Variants in LRMDA observed in about 807,000 individuals in gnomAD.
The protein encoded by LRMDA is leucine-rich melanocyte differentiation-associated protein.
LRMDA carries 18 observed loss-of-function variants against 29.8 expected under a neutral mutation model. The ratio of observed to expected loss-of-function variants is 0.60; its 90% CI spans 0.42 to 0.90. LRMDA has a LOEUF of 0.90. Among genes scored for constraint, LRMDA ranks in the 40% least tolerant of loss-of-function variants. The pLI is 0.00. For missense variants in LRMDA, 273 were observed against 273.9 expected (o/e 1.00, Z 0.02); for synonymous variants, 125 against 109.4 (o/e 1.14, Z -0.89).
At chr10:76,003,311 C>G (rs887341102) in intron 2 of LRMDA, among the ~76,000 whole-genome samples, 1 of 152,142 alleles carries the variant, frequency 6.6e-6, no homozygotes, top group Non-Finnish European at 1.5e-5. Context: ...GCCAATTAAC[C>G]TTCCTGACCG....
At chr10:76,376,800 T>A (rs956922033) in intron 6 of LRMDA, among the ~76,000 whole-genome samples, 3 of 150,944 alleles carry the variant, frequency 2.0e-5, no homozygotes, top group African/African-American at 7.3e-5. Flanking sequence ...TGGTTTTAAT[T>A]TACATTTCTC....
intron 5 of LRMDA, among the ~76,000 whole-genome samples, chr10:76,177,910 A>C (rs976872139): frequency 1.3e-5 from 2 of 152,222 alleles, no homozygotes; most frequent in Non-Finnish European, 2.9e-5. Flanking sequence ...CAGTGGTGTT[A>C]GAGCTGAATT....
intron 2 of LRMDA, among the ~76,000 whole-genome samples, chr10:75,659,039 G>T (rs1241436323): frequency 1.3e-5 from 2 of 152,220 alleles, no homozygotes; most frequent in Admixed American, 1.3e-4. Flanking sequence ...AGATGAGGTA[G>T]ATGGCCCCTG....
At chr10:76,507,614 G>A (rs1419110697) in intron 6 of LRMDA, among the ~76,000 whole-genome samples, 2 of 151,922 alleles carry the variant, frequency 1.3e-5, no homozygotes, top group Non-Finnish European at 2.9e-5. Flanking sequence ...TCCCCTAGTA[G>A]TTTCATAGTT....
intron 2 of LRMDA, among the ~76,000 whole-genome samples, chr10:75,801,931 G>A (rs1020472579): frequency 6.6e-6 from 1 of 152,140 alleles, no homozygotes; most frequent in South Asian, 2.1e-4. Context: ...TATGTGCTGT[G>A]TATGATGCTA....
intron 2 of LRMDA, among the ~76,000 whole-genome samples, chr10:75,687,373 G>T (rs1443319724): frequency 6.6e-6 from 1 of 152,190 alleles, no homozygotes; most frequent in Non-Finnish European, 1.5e-5. Context: ...TTGGTGATAT[G>T]AAGAAAGTTT....
intron 2 of LRMDA, among the ~76,000 whole-genome samples, chr10:75,977,124 C>CT (rs57497935): frequency 0.062 from 8,625 of 140,156 alleles, 633 homozygotes; most frequent in African/African-American, 0.19. Context: ...CTTTTCTTCC[C>CT]TTTTTTTTTT....
At chr10:76,350,002 CA>C in intron 6 of LRMDA, among the ~76,000 whole-genome samples, 1 of 151,708 alleles carries the variant, frequency 6.6e-6, no homozygotes, top group Non-Finnish European at 1.5e-5. Flanking sequence ...ATCTAAAAAT[CA>C]AAAGAAAAAG....
intron 2 of LRMDA, among the ~76,000 whole-genome samples, chr10:75,623,245 A>G (rs972265218): frequency 2.0e-5 from 3 of 152,198 alleles, no homozygotes; most frequent in African/African-American, 4.8e-5. Flanking sequence ...TCTGATTCCA[A>G]TTTAACACAG....
rs148885502 is a variant in LRMDA, at chr10:75,635,207, A to T, written c.131+196713A>T. On this transcript the variant is annotated intron_variant, in intron 2 of 6. Transcript: ENST00000611255. ...TTTTGAGTTCGTAAATCAGTAATTGATAAATGACAGGCTGGACCTCAGCTG... is the reference window on the plus strand; with the variant it reads ...TTTTGAGTTCGTAAATCAGTAATTGTTAAATGACAGGCTGGACCTCAGCTG... Among the ~76,000 whole-genome samples the T allele has an allele frequency of 3.9e-4, 60 of 152,272 alleles. No individual in the cohort carries two copies. In the East Asian group the frequency reaches 0.012, roughly 29 times the overall value.
intron 6 of LRMDA, among the ~76,000 whole-genome samples, chr10:76,399,921 C>CA (rs1841830235): frequency 6.6e-6 from 1 of 152,170 alleles, no homozygotes; most frequent in Non-Finnish European, 1.5e-5. Context: ...CATGATGTGG[C>CA]AGCAGCTTCT....
At chr10:75,485,769 T>C (rs1273513502) in intron 2 of LRMDA, among the ~76,000 whole-genome samples, 3 of 152,106 alleles carry the variant, frequency 2.0e-5, no homozygotes, top group Admixed American at 6.5e-5. Flanking sequence ...GTGGAGACAG[T>C]GTTTTGCTGA....
intron 6 of LRMDA, among the ~76,000 whole-genome samples, chr10:76,465,266 A>T (rs1029303090): frequency 9.2e-5 from 14 of 152,178 alleles, no homozygotes; most frequent in African/African-American, 3.4e-4. Flanking sequence ...AGCTCCAAGA[A>T]ATAAAAGATT....
rs958154588 is a variant in LRMDA, at chr10:76,495,791, T to C, written c.602-61418T>C. ...TAATTGTAAATGGTATTACATTAGT[T>C]ATTTCAGATTCCACCTGTCCATTTT... On this transcript the variant is annotated intron_variant, in intron 6 of 6. Transcript: ENST00000611255. Among the ~76,000 whole-genome samples, 26 of 151,962 alleles carry C rather than the reference T, an allele frequency of 1.7e-4. 1 individual carries two copies. The highest frequency in any genetic ancestry group is 1.4e-3 in the South Asian group (7 of 4,834).
intron 2 of LRMDA, among the ~76,000 whole-genome samples, chr10:75,803,152 A>G (rs990395804): frequency 6.6e-6 from 1 of 152,098 alleles, no homozygotes; most frequent in Non-Finnish European, 1.5e-5. Flanking sequence ...GCACAGCCTG[A>G]GAGCTGGACC....
At chr10:76,073,037 C>CAAAGAGGA (rs1226732797) in intron 5 of LRMDA, among the ~76,000 whole-genome samples, 1 of 152,154 alleles carries the variant, frequency 6.6e-6, no homozygotes, top group Non-Finnish European at 1.5e-5. Flanking sequence ...CCACCCCCCA[C>CAAAGAGGA]AAACCTCCTT....
intron 6 of LRMDA, among the ~76,000 whole-genome samples, chr10:76,437,936 G>A (rs1360197633): frequency 6.6e-6 from 1 of 152,194 alleles, no homozygotes; most frequent in East Asian, 1.9e-4. Context: ...CTGATTTTCA[G>A]ATGAGGAAAC....
At chr10:75,852,002 A>G (rs1321247659) in intron 2 of LRMDA, among the ~76,000 whole-genome samples, 1 of 152,200 alleles carries the variant, frequency 6.6e-6, no homozygotes, top group Non-Finnish European at 1.5e-5. Context: ...GGAAGGTCCA[A>G]ATTGGAGTGG....
intron 2 of LRMDA, among the ~76,000 whole-genome samples, chr10:76,032,229 G>C (rs1848161338): frequency 6.6e-6 from 1 of 152,166 alleles, no homozygotes; most frequent in African/African-American, 2.4e-5. Context: ...GCCCACCCAG[G>C]AGCAGAAGGG....
Sources: gnomAD v4.1 joint callset for allele counts (sites outside exome capture counted in the v4.1 genomes callset) on GRCh38, gnomAD v4.1.1 for gene constraint, MANE v1.5 for transcripts, NCBI Gene and HGNC (gene_info 2026-07-23, HGNC 2026-07-21) for gene names.